The following PLCB4 variants were observed in gnomAD, a reference collection of about 807,000 sequenced individuals.
PLCB4 encodes phospholipase C beta 4, also known as 1-phosphatidylinositol 4,5-bisphosphate phosphodiesterase beta-4.
In PLCB4, 77 loss-of-function variants were observed where a neutral mutation model predicts 178.8. The ratio of observed to expected loss-of-function variants is 0.43; its 90% CI spans 0.36 to 0.52. The LOEUF (loss-of-function observed/expected upper bound fraction) is 0.52, where lower values mean the gene tolerates loss of function less well. PLCB4 is among the 20% of genes least tolerant of loss of function. The pLI is 0.00. For synonymous variants in PLCB4, 496 were observed against 490.8 expected, an observed-to-expected ratio of 1.01 and a Z score of -0.14; for missense variants, 1,024 against 1,453.4, an observed-to-expected ratio of 0.70 and a Z score of 4.80.
At chr20:9,114,760 G>A (rs1266565479) in intron 2 of PLCB4, among the ~76,000 whole-genome samples, 3 of 152,156 alleles carry the variant, frequency 2.0e-5, no homozygotes. Flanking sequence ...TCATATTATG[G>A]CACCTGGGGA....
In PLCB4 at chr20:9,103,316, T is replaced by A; in HGVS notation, c.-79+6974T>A. On this transcript the variant is annotated intron_variant, in intron 2 of 39. Coordinates refer to ENST00000378473, the MANE Select transcript of PLCB4 (RefSeq NM_001377142.1). ...ATATTAAAAAGTAAAATGGGAACATTTACAAATACTTATTTTAAATAACAG... is the reference window on the plus strand; with the variant it reads ...ATATTAAAAAGTAAAATGGGAACATATACAAATACTTATTTTAAATAACAG... 1.3e-5 allele frequency among the ~76,000 whole-genome samples: 2 copies of A among 152,186 alleles called. 1 individual carries two copies. The highest frequency in any genetic ancestry group is 2.9e-5 in the Non-Finnish European group (2 of 68,038).
At chr20:9,078,085 A>G (rs1384960224) in intron 1 of PLCB4, among the ~76,000 whole-genome samples, 61 of 151,794 alleles carry the variant, frequency 4.0e-4, no homozygotes, top group Non-Finnish European at 2.5e-4. Context: ...GGCTCAAGCG[A>G]TTTTCCTGCC....
chr20:9,218,676 G>A (rs189591117), intron 3 of PLCB4, among the ~76,000 whole-genome samples: 1 of 152,262 alleles, frequency 6.6e-6, no homozygotes, highest in African/African-American at 2.4e-5. Context: ...TTCCATGAGG[G>A]GAAGGAAGAA....
At chr20:9,305,784 A>G (rs2094758553) in intron 3 of PLCB4, among the ~76,000 whole-genome samples, 1 of 152,142 alleles carries the variant, frequency 6.6e-6, no homozygotes, top group African/African-American at 2.4e-5. Context: ...TTTAAATCCA[A>G]ATTTATTTTC....
At chr20:9,436,576 A>C (rs1314564948) in intron 29 of PLCB4, among the ~76,000 whole-genome samples, 3 of 151,960 alleles carry the variant, frequency 2.0e-5, no homozygotes, top group Non-Finnish European at 4.4e-5. Flanking sequence ...TTGGTGTCAA[A>C]CTCTTGGCCT....
intron 22 of PLCB4, 111 bp from the exon 23 acceptor site, chr20:9,408,522 T>G (rs1338768394): frequency 5.0e-6 from 3 of 595,494 alleles, no homozygotes; most frequent in Non-Finnish European, 9.4e-6. Flanking sequence ...TAATGTAGCA[T>G]TAGCCTCCAA....
intron 2 of PLCB4, among the ~76,000 whole-genome samples, chr20:9,177,167 C>T (rs2093169328): frequency 1.3e-5 from 2 of 151,950 alleles, no homozygotes; most frequent in African/African-American, 4.8e-5. Flanking sequence ...TGACACTAAG[C>T]AGAATGTGAA....
intron 4 of PLCB4, among the ~76,000 whole-genome samples, chr20:9,308,423 G>A (rs1285181862): frequency 6.6e-6 from 1 of 152,180 alleles, no homozygotes; most frequent in East Asian, 1.9e-4. Flanking sequence ...CTATAGAGCA[G>A]GGGCTTTGGG....
chr20:9,312,401 C>CGCAT (rs2094847625), intron 4 of PLCB4, among the ~76,000 whole-genome samples: 1 of 151,286 alleles, frequency 6.6e-6, no homozygotes, highest in East Asian at 1.9e-4. Flanking sequence ...CACACACGCA[C>CGCAT]GCACTCACAC....
intron 30 of PLCB4, among the ~76,000 whole-genome samples, chr20:9,443,348 G>A (rs2148671755): frequency 6.6e-6 from 1 of 152,304 alleles, no homozygotes; most frequent in East Asian, 1.9e-4. Context: ...GAAATACAAA[G>A]GTAAGAATAA....
intron 2 of PLCB4, among the ~76,000 whole-genome samples, chr20:9,213,370 C>A (rs976132459): frequency 2.1e-5 from 3 of 141,038 alleles, no homozygotes; most frequent in African/African-American, 9.7e-5. Flanking sequence ...GTCTTGAACT[C>A]CTGACCTTAG....
rs565076951 is a variant in PLCB4 at position 9,364,074 on chromosome 20, T to C, written c.449+1099T>C. 7.2e-5 allele frequency among the ~76,000 whole-genome samples: 11 copies of C among 152,356 alleles called. No homozygotes were observed. The East Asian group carries it at 1.5e-3, about 21-fold the overall frequency. ...TTATTCAATACTACTTATCTTGTTA[T>C]GGTATCCCTCCAATTTTCTTTCACC... On this transcript the variant is annotated intron_variant, in intron 8 of 39. Coordinates refer to ENST00000378473, the MANE Select transcript of PLCB4 (RefSeq NM_001377142.1).
intron 19 of PLCB4, 53 bp from the exon 20 acceptor site, chr20:9,401,437 G>T: frequency 1.7e-6 from 2 of 1,203,724 alleles, no homozygotes; most frequent in Non-Finnish European, 2.5e-6. Flanking sequence ...AACAAGGTCT[G>T]ACTACTTGGC....
In PLCB4 at chr20:9,322,117, A is replaced by ATTTTTT. The variant is rs749496709; in HGVS notation, c.84+14236_84+14241dup. 6.9e-5 allele frequency among the ~76,000 whole-genome samples: 8 copies of ATTTTTT among 116,598 alleles called. No homozygotes were observed. In the East Asian group the frequency reaches 8.2e-4, roughly 12 times the overall value. The allele number at this position is 116,598 out of a possible 152,430, so 76.5% of individuals were successfully genotyped here. A position where few individuals can be genotyped will look rare whatever the true frequency, so the allele number is the denominator to read the frequency against. ...CAGGCAGAGCCACCACACCCAGGTA[A>ATTTTTT]TTTTTTTTTTTTTTTTTTTTTTGTA... On this transcript the variant is annotated intron_variant, in intron 4 of 39. Transcript: ENST00000378473.
In PLCB4 at chr20:9,468,587, C is replaced by A. The variant is rs1173070385; in HGVS notation, c.3265C>A (p.Arg1089=). The change falls in exon 36 of 40, where the codon CGA becomes AGA. Residue 1089 remains arginine (R), a synonymous_variant. Coordinates refer to ENST00000378473, the MANE Select transcript of PLCB4 (RefSeq NM_001377142.1). The stretch of plus-strand genomic sequence containing the variant: ...AATACATAGGGAAAGCAAGGAAATG[C>A]GAGCACACCAGGCTAAGATTTCTAT... The part of the protein sequence containing the change: ...LSHDRESKEM[R]AHQAKISMEN... The A allele has an allele frequency of 6.2e-7, 1 of 1,606,094 alleles. No individual in the cohort carries two copies. Among genetic ancestry groups the A allele is most frequent in the East Asian group, 2.2e-5 (1 of 44,796 alleles).
chr20:9,112,707 A>G (rs2091624802), intron 2 of PLCB4, among the ~76,000 whole-genome samples: 1 of 152,140 alleles, frequency 6.6e-6, no homozygotes, highest in South Asian at 2.1e-4. Flanking sequence ...ATATTCATAG[A>G]CTGTCCCTTT....
At chr20:9,240,858 A>G (rs1192781237) in intron 3 of PLCB4, among the ~76,000 whole-genome samples, 1 of 152,146 alleles carries the variant, frequency 6.6e-6, no homozygotes, top group East Asian at 1.9e-4. Flanking sequence ...GTTCAGTCCA[A>G]CAACCCTGGC....
intron 2 of PLCB4, among the ~76,000 whole-genome samples, chr20:9,107,867 T>C (rs918054678): frequency 6.6e-6 from 1 of 151,852 alleles, no homozygotes; most frequent in Non-Finnish European, 1.5e-5. Context: ...TCAAGGGAGA[T>C]TGGGGGATAT....
chr20:9,101,478 C>T (rs2091149279), intron 2 of PLCB4, among the ~76,000 whole-genome samples: 1 of 152,076 alleles, frequency 6.6e-6, no homozygotes, highest in African/African-American at 2.4e-5. Context: ...AAACTCTATA[C>T]AATGAAAGAT....
Sources: allele counts gnomAD v4.1 joint callset (sites outside exome capture counted in the v4.1 genomes callset), GRCh38; gene constraint gnomAD v4.1.1; transcripts MANE v1.5; gene names NCBI Gene and HGNC (gene_info 2026-07-23, HGNC 2026-07-21).